The following ITGA2 variants were observed in gnomAD, a reference collection of about 807,000 sequenced individuals.
The protein encoded by ITGA2 is integrin subunit alpha 2.
In ITGA2, 101 loss-of-function variants were observed where a neutral mutation model predicts 146.3. The ratio of observed to expected loss-of-function variants is 0.69; its 90% CI spans 0.59 to 0.81. The LOEUF (loss-of-function observed/expected upper bound fraction) is 0.81, where lower values mean the gene tolerates loss of function less well. ITGA2 is among the 40% of genes least tolerant of loss of function. ITGA2 has a pLI of 0.00. For synonymous variants in ITGA2, 477 were observed against 487.1 expected, an observed-to-expected ratio of 0.98 and a Z score of 0.27; for missense variants, 1,281 against 1,402.7, an observed-to-expected ratio of 0.91 and a Z score of 1.39.
intron 6 of ITGA2, among the ~76,000 whole-genome samples, chr5:53,049,846 C>G (rs1468204474): frequency 2.0e-5 from 3 of 148,374 alleles, no homozygotes; most frequent in Non-Finnish European, 4.5e-5. Context: ...ACATCTAATA[C>G]AAATTGTTGA....
At chr5:53,038,368 T>A (rs546557857) in intron 2 of ITGA2, among the ~76,000 whole-genome samples, 1 of 152,310 alleles carries the variant, frequency 6.6e-6, no homozygotes, top group East Asian at 1.9e-4. Context: ...ACCCTGTTCC[T>A]ACCTGTCATT....
chr5:53,085,449 A>G (rs1422496716), intron 27 of ITGA2, among the ~76,000 whole-genome samples: 2 of 152,134 alleles, frequency 1.3e-5, no homozygotes, highest in East Asian at 3.9e-4. Flanking sequence ...CTATTTTGAG[A>G]ATGCTATAAG....
chr5:53,041,949 C>A (rs1013384270), intron 2 of ITGA2, among the ~76,000 whole-genome samples, 163 bp from the exon 3 acceptor site: 1 of 152,068 alleles, frequency 6.6e-6, no homozygotes, highest in African/African-American at 2.4e-5. Context: ...TTGATCAAAG[C>A]TCTTTATCAG....
chr5:53,055,697 CT>C lies in ITGA2; in HGVS notation c.930+13del. 1 of 1,612,654 alleles carries C rather than the reference CT, an allele frequency of 6.2e-7. No homozygotes were observed. Among genetic ancestry groups the C allele is most frequent in the Non-Finnish European group, 8.5e-7 (1 of 1,179,136 alleles). ...TGAGGTTTGGCATAGCAGTAAGTGG[CT>C]TTTCTTTTCACTTGTCTTGCCGCTA... is the stretch of plus-strand genomic sequence containing the variant. On this transcript the variant is annotated intron_variant, in intron 8 of 29. Coordinates refer to ENST00000296585, the MANE Select transcript of ITGA2 (RefSeq NM_002203.4).
chr5:53,054,400 AT>A (rs948838127), intron 7 of ITGA2, among the ~76,000 whole-genome samples: 2 of 151,942 alleles, frequency 1.3e-5, no homozygotes, highest in African/African-American at 2.4e-5. Flanking sequence ...GAATGCTCTG[AT>A]TTTTTTCTTT....
At chr5:53,009,556 G>A (rs560731743) in intron 1 of ITGA2, among the ~76,000 whole-genome samples, 4 of 152,134 alleles carry the variant, frequency 2.6e-5, no homozygotes, top group Non-Finnish European at 5.9e-5. Context: ...TCAAGGTGTA[G>A]CCTGTTTTTA....
chr5:53,068,718 A>G (rs920856020), intron 16 of ITGA2, among the ~76,000 whole-genome samples: 1 of 151,878 alleles, frequency 6.6e-6, no homozygotes, highest in African/African-American at 2.4e-5. Context: ...CTTGGCAATA[A>G]TAGTATGTAA....
chr5:53,051,514 A>G lies in ITGA2; in HGVS notation c.734A>G (p.Tyr245Cys), dbSNP rs142956915. Residue 245 changes from tyrosine to cysteine, a missense_variant, in exon 7 of 30, where the codon TAT (tyrosine) becomes TGT (cysteine). Physicochemically the swap from Tyr to Cys is radical, Grantham distance 194. Around this residue, in one of 3 missense-constraint regions of ITGA2, gnomAD observed 795 missense variants for 841.7 expected, o/e 0.94. Transcript: ENST00000296585. ...GTAGCAACATCCCAGACATCCCAAT[A>G]TGGTGGGGACCTCACAAACACATTC... is the stretch of plus-strand genomic sequence containing the variant. The part of the protein sequence containing the change: ...MIVATSQTSQ[Y>C]GGDLTNTFGA... 4.5e-5 allele frequency: 73 copies of G among 1,613,626 alleles called. No individual in the cohort carries two copies. The highest frequency in any genetic ancestry group is 5.6e-5 in the Non-Finnish European group (66 of 1,179,774).
intron 15 of ITGA2, among the ~76,000 whole-genome samples, chr5:53,066,715 AT>A (rs1745161192): frequency 6.6e-6 from 1 of 151,940 alleles, no homozygotes; most frequent in African/African-American, 2.4e-5. Context: ...AATGAAGTAC[AT>A]TATTTTTATT....
chr5:53,078,995 G>T (rs1276486102), intron 24 of ITGA2, 121 bp downstream of exon 24: 7 of 701,840 alleles, frequency 1.0e-5, no homozygotes, highest in African/African-American at 3.5e-5. Context: ...CTCAAACTTG[G>T]GTGTGCATTA....
chr5:53,040,153 G>A (rs977732777), intron 2 of ITGA2, among the ~76,000 whole-genome samples: 1 of 152,158 alleles, frequency 6.6e-6, no homozygotes, highest in African/African-American at 2.4e-5. Context: ...AGGTTTAGAA[G>A]CAACAGAGAC....
At position 53,067,122 on chromosome 5, in the gene ITGA2, C is replaced by A; in HGVS notation, c.1948C>A (p.Gln650Lys). 6.2e-7 allele frequency: 1 copy of A among 1,610,224 alleles called. No individual in the cohort carries two copies. Among genetic ancestry groups the A allele is most frequent in the Non-Finnish European group, 8.5e-7 (1 of 1,178,194 alleles). The part of the protein sequence containing the change: ...AFGQVVQLWS[Q>K]SIADVAIEAS... ...GTTACTCTTTATGTCTTTTAGGTCA[C>A]AAAGTATTGCTGATGTAGCTATAGA... The change falls in exon 16 of 30, where the codon CAA (glutamine) becomes AAA (lysine). Residue 650 changes from glutamine to lysine, a missense_variant. Gln to Lys is a moderately conservative substitution (Grantham distance 53, BLOSUM62 1). Coordinates refer to ENST00000296585, the MANE Select transcript of ITGA2 (RefSeq NM_002203.4).
At chr5:53,038,730 G>A (rs1221147766) in intron 2 of ITGA2, among the ~76,000 whole-genome samples, 1 of 152,194 alleles carries the variant, frequency 6.6e-6, no homozygotes, top group Non-Finnish European at 1.5e-5. Flanking sequence ...GGGAACATGA[G>A]CAAGTCACTC....
chr5:53,001,322 G>T (rs921018999), intron 1 of ITGA2, among the ~76,000 whole-genome samples: 2 of 152,144 alleles, frequency 1.3e-5, no homozygotes. Flanking sequence ...TGCCCTGGAG[G>T]TACTAGAATT....
At chr5:53,049,012 C>CT (rs111756330) in intron 6 of ITGA2, among the ~76,000 whole-genome samples, 3,313 of 144,018 alleles carry the variant, frequency 0.023, 45 homozygotes, top group African/African-American at 0.042. Context: ...TGGGACATAA[C>CT]TTTTTTTTTT....
At chr5:53,007,042 C>T (rs1029053612) in intron 1 of ITGA2, among the ~76,000 whole-genome samples, 10 of 152,078 alleles carry the variant, frequency 6.6e-5, no homozygotes, top group South Asian at 4.2e-4. Flanking sequence ...TTCCTAACTA[C>T]GAATAATGAT....
intron 2 of ITGA2, among the ~76,000 whole-genome samples, chr5:53,027,910 A>T (rs1207520189): frequency 6.6e-6 from 1 of 152,096 alleles, no homozygotes; most frequent in African/African-American, 2.4e-5. Context: ...GTGAGACCTC[A>T]TCTCTATTAA....
rs1226060112 is a variant in ITGA2, at chr5:53,074,710, C to T, written c.2664+233C>T. ...ACATACTATGGAAAGTTCTTTTTGT[C>T]TAAATATGTTGAGCAACATTGGTCA... is the stretch of plus-strand genomic sequence containing the variant. On this transcript the variant is annotated intron_variant, in intron 21 of 29. Coordinates refer to ENST00000296585, the MANE Select transcript of ITGA2 (RefSeq NM_002203.4). 2.6e-5 allele frequency among the ~76,000 whole-genome samples: 4 copies of T among 152,058 alleles called. No individual in the cohort carries two copies. The East Asian group carries it at 7.8e-4, about 30-fold the overall frequency.
rs76603098 is a variant in ITGA2, at chr5:53,054,301, T to C, written c.780-1237T>C. Among the ~76,000 whole-genome samples the C allele has an allele frequency of 1.2e-3, 185 of 152,296 alleles. 1 individual carries two copies. The South Asian group carries it at 0.027, about 22-fold the overall frequency. ...TCTCATTTCATTTACTTCATATAAA[T>C]TCATTTAAACATCATGTAATATCTT... is the stretch of plus-strand genomic sequence containing the variant. On this transcript the variant is annotated intron_variant, in intron 7 of 29. Transcript: ENST00000296585.
Sources: gnomAD v4.1 joint callset for allele counts (sites outside exome capture counted in the v4.1 genomes callset) on GRCh38, gnomAD v4.1.1 for gene constraint, gnomAD v4.1.1 regional missense constraint, MANE v1.5 for transcripts, NCBI Gene and HGNC (gene_info 2026-07-23, HGNC 2026-07-21) for gene names.